The following MDGA2 variants were observed in gnomAD, a reference collection of about 807,000 sequenced individuals.
The protein encoded by MDGA2 is MAM domain-containing glycosylphosphatidylinositol anchor protein 2.
MDGA2 carries 40 observed loss-of-function variants against 117.8 expected under a neutral mutation model. That is an observed-to-expected ratio of 0.34 (90% CI 0.26 to 0.44). MDGA2 has a LOEUF of 0.44. Ranked by LOEUF, MDGA2 falls within the 20% of genes least tolerant of loss-of-function variation. MDGA2 has a pLI of 1.00. For synonymous variants in MDGA2, 452 were observed against 439.0 expected (o/e 1.03, Z -0.37); for missense variants, 1,123 against 1,250.6 (o/e 0.90, Z 1.54).
chr14:47,267,918 G>T (rs776067846), intron 2 of MDGA2, among the ~76,000 whole-genome samples: 3 of 152,096 alleles, frequency 2.0e-5, no homozygotes, highest in Non-Finnish European at 2.9e-5. Flanking sequence ...GTTATGGTTT[G>T]ATTAACAAAC....
chr14:47,539,444 G>A (rs527951048), intron 1 of MDGA2, among the ~76,000 whole-genome samples: 2 of 152,258 alleles, frequency 1.3e-5, no homozygotes, highest in African/African-American at 2.4e-5. Flanking sequence ...CCATTACAGC[G>A]GAGCAGATAA....
At chr14:47,344,346 A>T (rs1340019923) in intron 1 of MDGA2, among the ~76,000 whole-genome samples, 1 of 151,932 alleles carries the variant, frequency 6.6e-6, no homozygotes, top group African/African-American at 2.4e-5. Context: ...TCCATAATTC[A>T]CAAACAAACA....
chr14:47,464,717 A>G (rs1383814057), intron 1 of MDGA2, among the ~76,000 whole-genome samples: 1 of 152,186 alleles, frequency 6.6e-6, no homozygotes, highest in Non-Finnish European at 1.5e-5. Flanking sequence ...GCTCATTGAT[A>G]GGAATAATCA....
At chr14:47,633,529 A>AT (rs1275089254) in intron 1 of MDGA2, among the ~76,000 whole-genome samples, 4 of 152,232 alleles carry the variant, frequency 2.6e-5, no homozygotes, top group Admixed American at 1.3e-4. Flanking sequence ...ACACTTTAGT[A>AT]AACATGTAGT....
chr14:47,018,829 A>C (rs952421474), intron 8 of MDGA2, among the ~76,000 whole-genome samples: 12 of 127,464 alleles, frequency 9.4e-5, no homozygotes, highest in Non-Finnish European at 2.0e-4. Flanking sequence ...ATTCACATCT[A>C]TACCTATTGA....
chr14:47,319,718 A>C (rs573561982), intron 1 of MDGA2, among the ~76,000 whole-genome samples: 4 of 152,270 alleles, frequency 2.6e-5, no homozygotes, highest in African/African-American at 9.6e-5. Flanking sequence ...TGTTTGTCTT[A>C]TGGCAGCAAT....
intron 15 of MDGA2, among the ~76,000 whole-genome samples, chr14:46,850,525 A>C (rs541260631): frequency 6.6e-6 from 1 of 152,028 alleles, no homozygotes; most frequent in South Asian, 2.1e-4. Context: ...GCAGTTTGAA[A>C]ATTGACAGTA....
At chr14:47,378,321 G>A (rs775407677) in intron 1 of MDGA2, among the ~76,000 whole-genome samples, 2 of 152,174 alleles carry the variant, frequency 1.3e-5, no homozygotes, top group Admixed American at 6.5e-5. Flanking sequence ...CCAAAGGAAC[G>A]CAGCTCCTTG....
chr14:47,272,107 C>T (rs1336252689), intron 2 of MDGA2, among the ~76,000 whole-genome samples: 4 of 151,954 alleles, frequency 2.6e-5, no homozygotes, highest in Admixed American at 6.6e-5. Context: ...AGAAATACAA[C>T]ACATTAAGTG....
intron 1 of MDGA2, among the ~76,000 whole-genome samples, chr14:47,636,570 G>A (rs1051957571): frequency 1.3e-5 from 2 of 152,034 alleles, no homozygotes; most frequent in African/African-American, 4.8e-5. Context: ...GATCACCTGA[G>A]GTCAGGAGTT....
chr14:47,219,204 C>T (rs1022510505), intron 2 of MDGA2, among the ~76,000 whole-genome samples: 36 of 152,066 alleles, frequency 2.4e-4, no homozygotes, highest in Admixed American at 2.2e-3. Flanking sequence ...AACAGAAATC[C>T]TATAATATTG....
intron 1 of MDGA2, among the ~76,000 whole-genome samples, chr14:47,559,665 C>T (rs1008899995): frequency 7.2e-5 from 11 of 151,760 alleles, no homozygotes; most frequent in Non-Finnish European, 1.5e-4. Context: ...CCCCGCCTCC[C>T]GGGTTCAAGC....
chr14:47,641,073 T>A (rs1897414567), intron 1 of MDGA2, among the ~76,000 whole-genome samples: 1 of 152,084 alleles, frequency 6.6e-6, no homozygotes, highest in Admixed American at 6.5e-5. Flanking sequence ...TCCCAGTGAA[T>A]GAAACACTCA....
chr14:47,156,069 G>A (rs981168671), intron 3 of MDGA2, among the ~76,000 whole-genome samples: 1 of 151,074 alleles, frequency 6.6e-6, no homozygotes, highest in Non-Finnish European at 1.5e-5. Context: ...CCACTACCCC[G>A]GCTAATTTTT....
chr14:47,479,376 C>G (rs1197824145), intron 1 of MDGA2, among the ~76,000 whole-genome samples: 1 of 150,540 alleles, frequency 6.6e-6, no homozygotes, highest in African/African-American at 2.4e-5. Context: ...CTTACTAAAT[C>G]CTGATATAAA....
intron 1 of MDGA2, among the ~76,000 whole-genome samples, chr14:47,474,756 A>G (rs1893801152): frequency 6.6e-6 from 1 of 152,190 alleles, no homozygotes; most frequent in African/African-American, 2.4e-5. Context: ...TACTTAATAT[A>G]TGGTGCTGGG....
chr14:47,244,939 GATAAAGACCAT>G (rs1887189405), intron 2 of MDGA2, among the ~76,000 whole-genome samples: 1 of 151,772 alleles, frequency 6.6e-6, no homozygotes, highest in African/African-American at 2.4e-5. Context: ...AGAAAACAAA[GATAAAGACCAT>G]TGTGATGGTA....
At chr14:47,442,987 C>T (rs1893044868) in intron 1 of MDGA2, among the ~76,000 whole-genome samples, 1 of 152,106 alleles carries the variant, frequency 6.6e-6, no homozygotes, top group Non-Finnish European at 1.5e-5. Flanking sequence ...CACTGAATTG[C>T]CGTTCTTGTG....
At chr14:47,012,062 T>C (rs1362359845) in intron 8 of MDGA2, among the ~76,000 whole-genome samples, 3 of 151,944 alleles carry the variant, frequency 2.0e-5, no homozygotes, top group African/African-American at 7.2e-5. Flanking sequence ...ATTTCCTCAA[T>C]CTCCATGTAT....
Sources: gnomAD v4.1 joint callset for allele counts (sites outside exome capture counted in the v4.1 genomes callset) on GRCh38, gnomAD v4.1.1 for gene constraint, MANE v1.5 for transcripts, NCBI Gene and HGNC (gene_info 2026-07-23, HGNC 2026-07-21) for gene names.